Variants in CLCN5 observed in about 807,000 individuals in gnomAD.
CLCN5 encodes the protein Cl-/H+ antiporter 5.
Under a neutral mutation model 54.0 loss-of-function variants are expected in CLCN5, and 17 were observed. That is an observed-to-expected ratio of 0.31 (90% CI 0.22 to 0.47). CLCN5 has a LOEUF of 0.47. Among genes scored for constraint, CLCN5 ranks in the 20% least tolerant of loss-of-function variants. The pLI is 1.00. For missense variants in CLCN5, 448 were observed against 646.7 expected, an observed-to-expected ratio of 0.69 and a Z score of 3.33; for synonymous variants, 222 against 233.0, an observed-to-expected ratio of 0.95 and a Z score of 0.43.
intron 4 of CLCN5, among the ~76,000 whole-genome samples, chrX:50,062,016 A>C: frequency 1.0e-5 from 1 of 98,610 alleles, no homozygotes; most frequent in African/African-American, 4.1e-5. Context: ...AGCGCTAAAC[A>C]TGGAAAGGAA....
At chrX:49,943,587 T>A (rs1294391220) in intron 3 of CLCN5, among the ~76,000 whole-genome samples, 1 of 108,230 alleles carries the variant, frequency 9.2e-6, no homozygotes, top group African/African-American at 3.5e-5. Flanking sequence ...GTATAAGGTG[T>A]AAGGAAGGGA....
Position 50,096,009 on chromosome X carries a change from GT to G in CLCN5, c.*3791del, listed in dbSNP as rs1557195532. Reference sequence around the variant, plus strand: ...TTTAATAATGATAGCAAAGACAATGGTGAGAACTTGAAACAGCCAGCATATT... The same window carrying G: ...TTTAATAATGATAGCAAAGACAATGGGAGAACTTGAAACAGCCAGCATATT... On this transcript the variant is annotated 3_prime_UTR_variant, in exon 15 of 15. Transcript: ENST00000376091. The G allele has an allele frequency of 9.0e-6, 1 of 111,705 alleles. No individual in the cohort carries two copies. Among genetic ancestry groups the G allele is most frequent in the Non-Finnish European group, 1.9e-5 (1 of 53,189 alleles). The allele number at this position is 111,705 out of a possible 1,213,427, so 9.2% of individuals were successfully genotyped here. A position where few individuals can be genotyped will look rare whatever the true frequency, so the allele number is the denominator to read the frequency against.
At chrX:50,073,901 G>A (rs974270955) in intron 6 of CLCN5, among the ~76,000 whole-genome samples, 11 of 111,476 alleles carry the variant, frequency 9.9e-5, no homozygotes, top group African/African-American at 3.3e-4. Flanking sequence ...TTGGTCCTTG[G>A]GCTATAGTTT....
intron 3 of CLCN5, among the ~76,000 whole-genome samples, chrX:50,010,171 CCTT>C (rs1475536368): frequency 2.7e-5 from 3 of 110,870 alleles, no homozygotes; most frequent in Admixed American, 9.7e-5. Context: ...TTCCTTCCTT[CCTT>C]CTTTTCTTTT....
intron 3 of CLCN5, among the ~76,000 whole-genome samples, chrX:49,959,843 A>G (rs1244325878): frequency 9.0e-6 from 1 of 110,861 alleles, no homozygotes; most frequent in African/African-American, 3.3e-5. Flanking sequence ...TCACAGCATG[A>G]TATTTCCTTG....
chrX:49,944,994 A>G (rs2147278586), intron 3 of CLCN5, among the ~76,000 whole-genome samples: 1 of 112,318 alleles, frequency 8.9e-6, no homozygotes, highest in Admixed American at 9.4e-5. Flanking sequence ...CCAGCTTTAC[A>G]TCTTTTCTGC....
chrX:50,073,242 GT>G (rs1482709800), intron 6 of CLCN5, among the ~76,000 whole-genome samples: 21 of 111,949 alleles, frequency 1.9e-4, no homozygotes, highest in Non-Finnish European at 3.9e-4. Context: ...AGGACACTAG[GT>G]AGAGATGGTA....
chrX:50,025,535 AC>A (rs1352628884), intron 3 of CLCN5, among the ~76,000 whole-genome samples: 1 of 111,680 alleles, frequency 9.0e-6, no homozygotes, highest in Non-Finnish European at 1.9e-5. Flanking sequence ...AACTTTTCTT[AC>A]AACTTTCACA....
chrX:49,942,203 A>C (rs1926387449), intron 3 of CLCN5, among the ~76,000 whole-genome samples: 1 of 84,288 alleles, frequency 1.2e-5, no homozygotes, highest in Non-Finnish European at 2.3e-5. Flanking sequence ...ACTTGTTTGA[A>C]TTAAAATGTC....
chrX:50,086,444 T>C lies in CLCN5; in HGVS notation c.1131T>C (p.Tyr377=). ...GGAACAGCCGCCTGGTACTATTTTA[T>C]GTGGAGTTTCACACCCCATGGCATC... The part of the protein sequence containing the change: ...PFGNSRLVLF[Y]VEFHTPWHLF... Residue 377 remains tyrosine, a synonymous_variant, in exon 11 of 15, where the codon TAT becomes TAC. Transcript: ENST00000376091. 1 of 1,211,603 alleles carries C rather than the reference T, an allele frequency of 8.3e-7. No homozygotes were observed. Among genetic ancestry groups the C allele is most frequent in the Non-Finnish European group, 1.1e-6 (1 of 895,525 alleles).
At chrX:49,928,990 GTAGTAGTTGATCCTAGAGC>G (rs1925498636) in intron 3 of CLCN5, among the ~76,000 whole-genome samples, 1 of 112,001 alleles carries the variant, frequency 8.9e-6, no homozygotes, top group Non-Finnish European at 1.9e-5. Context: ...CGTCAAACAG[GTAGTAGTTGATCCTAGAGC>G]TAGTATTAAA....
At chrX:50,065,319 AAAAC>A (rs1302198022) in intron 4 of CLCN5, among the ~76,000 whole-genome samples, 20 of 85,417 alleles carry the variant, frequency 2.3e-4, no homozygotes, top group Non-Finnish European at 3.4e-4. Context: ...TTACAAGAAA[AAAAC>A]AAACAACCCC....
chrX:49,932,635 T>G (rs782175489), intron 3 of CLCN5, among the ~76,000 whole-genome samples: 19 of 111,590 alleles, frequency 1.7e-4, no homozygotes, highest in Non-Finnish European at 3.4e-4. Flanking sequence ...TTTTTGCTAT[T>G]AATACTTCCT....
chrX:49,934,743 G>A (rs182679409), intron 3 of CLCN5, among the ~76,000 whole-genome samples: 1 of 112,143 alleles, frequency 8.9e-6, no homozygotes, highest in African/African-American at 3.2e-5. Flanking sequence ...AGGCATGTGA[G>A]ATACTAGACA....
At chrX:50,038,554 C>G (rs192373311) in intron 3 of CLCN5, among the ~76,000 whole-genome samples, 6 of 111,934 alleles carry the variant, frequency 5.4e-5, no homozygotes, top group African/African-American at 1.3e-4. Flanking sequence ...GAGATATTGT[C>G]TACAAAATAA....
At chrX:49,937,195 G>T (rs1251125893) in intron 3 of CLCN5, among the ~76,000 whole-genome samples, 1 of 111,655 alleles carries the variant, frequency 9.0e-6, no homozygotes, top group Admixed American at 9.6e-5. Context: ...ACAAAGAAGG[G>T]AGGTATTATT....
intron 14 of CLCN5, among the ~76,000 whole-genome samples, chrX:50,091,569 C>G (rs1199590678): frequency 2.7e-5 from 3 of 112,214 alleles, no homozygotes; most frequent in Non-Finnish European, 5.6e-5. Context: ...CTAACTGGTT[C>G]ATTCAACATC....
At chrX:49,934,448 C>T (rs1235426458) in intron 3 of CLCN5, among the ~76,000 whole-genome samples, 2 of 111,286 alleles carry the variant, frequency 1.8e-5, no homozygotes, top group African/African-American at 6.5e-5. Flanking sequence ...TCTTCTTTTC[C>T]TTCCTACCTT....
intron 3 of CLCN5, among the ~76,000 whole-genome samples, chrX:49,993,503 G>C (rs1929365907): frequency 8.9e-6 from 1 of 111,825 alleles, no homozygotes; most frequent in Non-Finnish European, 1.9e-5. Flanking sequence ...AGAGAAATAA[G>C]AGCAGAGGTT....
Sources: gnomAD v4.1 joint callset for allele counts (sites outside exome capture counted in the v4.1 genomes callset) on GRCh38, gnomAD v4.1.1 for gene constraint, MANE v1.5 for transcripts, NCBI Gene and HGNC (gene_info 2026-07-23, HGNC 2026-07-21) for gene names.